SLX4IP: variants seen among roughly 807,000 people sequenced by gnomAD.
The protein encoded by SLX4IP is protein SLX4IP.
In SLX4IP, 34 loss-of-function variants were observed where a neutral mutation model predicts 32.9. The observed-to-expected ratio is 1.03, with a 90% CI of 0.79 to 1.38. SLX4IP has a LOEUF of 1.38. Ranked by LOEUF, SLX4IP falls within the 40% of genes most tolerant of loss-of-function variation. The pLI, the probability that SLX4IP is intolerant of heterozygous loss-of-function variation, is 0.00. For missense variants in SLX4IP, 444 were observed against 479.0 expected, an observed-to-expected ratio of 0.93 and a Z score of 0.68; for synonymous variants, 172 against 171.7, an observed-to-expected ratio of 1.00 and a Z score of -0.01.
At position 10,435,385 on chromosome 20, in the gene SLX4IP, ACTCCGCCAGTGACC is replaced by A. The variant is rs545597701; in HGVS notation, c.-95_-82del. 6.6e-6 allele frequency: 1 copy of A among 152,130 alleles called. No homozygotes were observed. Among genetic ancestry groups the A allele is most frequent in the Non-Finnish European group, 1.5e-5 (1 of 68,038 alleles). 9.4% of individuals were successfully genotyped at this position (152,130 alleles called of 1,614,324 possible). ...GTCCGAGTTTCCACAGCCAGGTACT[ACTCCGCCAGTGACC>A]CTGGACAGTAACAAAACATATAAAG... On this transcript the variant is annotated 5_prime_UTR_variant, in exon 1 of 8. Transcript: ENST00000334534.
Position 10,622,931 on chromosome 20 carries a change from G to A in SLX4IP, c.779G>A (p.Gly260Glu), listed in dbSNP as rs73896599. 3.4e-3 allele frequency: 5,437 copies of A among 1,614,138 alleles called. 139 individuals are homozygous for A. The African/African-American group carries it at 0.064, about 19-fold the overall frequency. The part of the protein sequence containing the change: ...DTSGQQKPHP[G>E]ERLKTGLLSR... Reference sequence around the variant, plus strand: ...AGTGGCCAGCAAAAACCTCATCCTGGGGAGCGGTTAAAGACAGGGCTTCTA... The same window carrying A: ...AGTGGCCAGCAAAAACCTCATCCTGAGGAGCGGTTAAAGACAGGGCTTCTA... The change falls in exon 8 of 8, where the codon GGG (glycine) becomes GAG (glutamate). Residue 260 changes from glycine to glutamate, a missense_variant. Transcript: ENST00000334534.
At chr20:10,621,812 G>C (rs573326879) in intron 7 of SLX4IP, among the ~76,000 whole-genome samples, 1 of 152,168 alleles carries the variant, frequency 6.6e-6, no homozygotes, top group African/African-American at 2.4e-5. Flanking sequence ...ACATGTATTT[G>C]TTTTCACACT....
chr20:10,507,179 G>A (rs1274714326), intron 2 of SLX4IP, among the ~76,000 whole-genome samples: 2 of 152,202 alleles, frequency 1.3e-5, no homozygotes, highest in African/African-American at 4.8e-5. Flanking sequence ...TAAGCCTATG[G>A]GAGGCCAGTG....
chr20:10,611,913 T>G (rs911001972), intron 6 of SLX4IP, among the ~76,000 whole-genome samples: 5 of 152,172 alleles, frequency 3.3e-5, no homozygotes, highest in African/African-American at 1.2e-4. Flanking sequence ...TGATGGCAAA[T>G]GATACTGTGG....
intron 2 of SLX4IP, among the ~76,000 whole-genome samples, chr20:10,544,247 C>T (rs1408622989): frequency 5.3e-5 from 8 of 152,178 alleles, no homozygotes; most frequent in Admixed American, 5.2e-4. Context: ...TCCCTTCATC[C>T]AGCAGGTAGA....
chr20:10,590,844 A>C (rs963121357), intron 4 of SLX4IP, among the ~76,000 whole-genome samples: 1 of 152,344 alleles, frequency 6.6e-6, no homozygotes, highest in South Asian at 2.1e-4. Context: ...CCGAAGACAC[A>C]CAAAAAAGAA....
chr20:10,562,320 A>C (rs1195189452), intron 4 of SLX4IP, among the ~76,000 whole-genome samples: 1 of 152,080 alleles, frequency 6.6e-6, no homozygotes, highest in Non-Finnish European at 1.5e-5. Flanking sequence ...GAGAGGCCAG[A>C]AGGGGGATCT....
intron 6 of SLX4IP, 81 bp downstream of exon 6, chr20:10,601,900 T>A: frequency 7.8e-7 from 1 of 1,275,670 alleles, no homozygotes; most frequent in Non-Finnish European, 1.1e-6. Context: ...AAGAATTGTC[T>A]GCTGTTGTCA....
chr20:10,487,552 C>G (rs752769528), intron 2 of SLX4IP, among the ~76,000 whole-genome samples: 1 of 152,128 alleles, frequency 6.6e-6, no homozygotes, highest in African/African-American at 2.4e-5. Flanking sequence ...AGCTCTCAGC[C>G]GAAGCACTGA....
At chr20:10,579,706 G>A (rs1277503618) in intron 4 of SLX4IP, among the ~76,000 whole-genome samples, 3 of 152,188 alleles carry the variant, frequency 2.0e-5, no homozygotes, top group Non-Finnish European at 2.9e-5. Flanking sequence ...GATTACAGGC[G>A]TGAGCCACCG....
chr20:10,619,578 T>C (rs1469225798), intron 6 of SLX4IP, among the ~76,000 whole-genome samples: 1 of 152,256 alleles, frequency 6.6e-6, no homozygotes, highest in Non-Finnish European at 1.5e-5. Context: ...CATTGTGGAT[T>C]TCTTCCAGCC....
At chr20:10,561,204 C>G (rs6133969) in intron 4 of SLX4IP, among the ~76,000 whole-genome samples, 1 of 152,058 alleles carries the variant, frequency 6.6e-6, no homozygotes, top group Non-Finnish European at 1.5e-5. Flanking sequence ...TATCTATCAC[C>G]TGAGCATTTA....
chr20:10,590,558 G>A (rs1231722517), intron 4 of SLX4IP, among the ~76,000 whole-genome samples: 3 of 151,816 alleles, frequency 2.0e-5, no homozygotes, highest in Non-Finnish European at 2.9e-5. Flanking sequence ...ATGGGGTTTC[G>A]CTGTGTTGCT....
At chr20:10,481,372 A>G (rs2065519789) in intron 2 of SLX4IP, among the ~76,000 whole-genome samples, 1 of 152,206 alleles carries the variant, frequency 6.6e-6, no homozygotes, top group South Asian at 2.1e-4. Context: ...ATATCTTGGA[A>G]TCCATTGTCT....
At chr20:10,595,538 G>A (rs146373810) in intron 4 of SLX4IP, among the ~76,000 whole-genome samples, 2,553 of 152,304 alleles carry the variant, frequency 0.017, 68 homozygotes, top group African/African-American at 0.056. Flanking sequence ...TTTAGCTTTA[G>A]AGAGTAGTGG....
chr20:10,559,229 C>T (rs2066304602), intron 3 of SLX4IP, among the ~76,000 whole-genome samples: 1 of 152,020 alleles, frequency 6.6e-6, no homozygotes, highest in Admixed American at 6.5e-5. Context: ...CCATGAGGCA[C>T]TGCATCTTTA....
chr20:10,614,572 T>C (rs1228834498), intron 6 of SLX4IP, among the ~76,000 whole-genome samples: 1 of 152,128 alleles, frequency 6.6e-6, no homozygotes, highest in Non-Finnish European at 1.5e-5. Flanking sequence ...CCTCAGCTAA[T>C]ATTAATGTCT....
chr20:10,545,133 C>T (rs1371233317), intron 2 of SLX4IP, among the ~76,000 whole-genome samples: 1 of 152,106 alleles, frequency 6.6e-6, no homozygotes, highest in East Asian at 1.9e-4. Context: ...ACTCTGAGAA[C>T]CGGTAGTCTA....
rs542409896 is a variant in SLX4IP at position 10,454,080 on chromosome 20, C to T, written c.-29-4096C>T. On this transcript the variant is annotated intron_variant, in intron 1 of 7. Coordinates refer to ENST00000334534, the MANE Select transcript of SLX4IP (RefSeq NM_001009608.3). Reference sequence around the variant, plus strand: ...AATTCTTAAAAAATGTTTTCTTCTCCCTCCATACTTTGTTTCAGCCAAATA... The same window carrying T: ...AATTCTTAAAAAATGTTTTCTTCTCTCTCCATACTTTGTTTCAGCCAAATA... 3.3e-5 allele frequency among the ~76,000 whole-genome samples: 5 copies of T among 152,146 alleles called. No individual in the cohort carries two copies. In the South Asian group the frequency reaches 6.2e-4, roughly 19 times the overall value.
Sources: gnomAD v4.1 joint callset for allele counts (sites outside exome capture counted in the v4.1 genomes callset) on GRCh38, gnomAD v4.1.1 for gene constraint, MANE v1.5 for transcripts, NCBI Gene and HGNC (gene_info 2026-07-23, HGNC 2026-07-21) for gene names.